The following ZFPM2 variants were observed in gnomAD, a reference collection of about 807,000 sequenced individuals.
The protein encoded by ZFPM2 is zinc finger protein, FOG family member 2.
In ZFPM2, 20 loss-of-function variants were observed where a neutral mutation model predicts 98.6. The observed-to-expected ratio is 0.20, with a 90% CI of 0.14 to 0.29. The LOEUF (loss-of-function observed/expected upper bound fraction) is 0.29. Among genes scored for constraint, ZFPM2 ranks in the 10% least tolerant of loss-of-function variants. ZFPM2 has a pLI of 1.00. For synonymous variants in ZFPM2, 518 were observed against 502.7 expected, an observed-to-expected ratio of 1.03 and a Z score of -0.41; for missense variants, 1,310 against 1,388.6, an observed-to-expected ratio of 0.94 and a Z score of 0.90.
intron 3 of ZFPM2, among the ~76,000 whole-genome samples, chr8:105,558,118 T>C (rs908640306): frequency 3.3e-5 from 5 of 152,138 alleles, no homozygotes; most frequent in South Asian, 2.1e-4. Context: ...ATAACACCTA[T>C]TAATTTTTGG....
chr8:105,626,927 T>C (rs1466473015), intron 4 of ZFPM2, among the ~76,000 whole-genome samples: 1 of 145,240 alleles, frequency 6.9e-6, no homozygotes, highest in African/African-American at 2.5e-5. Context: ...TTTAATCAAA[T>C]AACACTTCTG....
chr8:105,329,779 T>A, intron 1 of ZFPM2, among the ~76,000 whole-genome samples: 1 of 151,794 alleles, frequency 6.6e-6, no homozygotes, highest in East Asian at 1.9e-4. Context: ...GAAACCTTGG[T>A]TGGCACAATG....
chr8:105,401,013 A>G (rs1329520259), intron 1 of ZFPM2, among the ~76,000 whole-genome samples: 2 of 151,770 alleles, frequency 1.3e-5, no homozygotes, highest in Admixed American at 6.6e-5. Context: ...GAAGACCATG[A>G]TATATTTACT....
chr8:105,611,204 A>C (rs1400205224), intron 4 of ZFPM2, among the ~76,000 whole-genome samples: 1 of 152,194 alleles, frequency 6.6e-6, no homozygotes, highest in Non-Finnish European at 1.5e-5. Context: ...TAGCCAAGAG[A>C]GCCACTGGAG....
chr8:105,773,544 A>G (rs1210808852), intron 5 of ZFPM2, among the ~76,000 whole-genome samples: 2 of 151,996 alleles, frequency 1.3e-5, no homozygotes, highest in South Asian at 2.1e-4. Context: ...ATGAATTTTC[A>G]TATTTTAGAA....
At chr8:105,744,858 G>A (rs936019558) in intron 5 of ZFPM2, among the ~76,000 whole-genome samples, 4 of 152,094 alleles carry the variant, frequency 2.6e-5, no homozygotes, top group African/African-American at 4.8e-5. Context: ...GAGCTGTGTC[G>A]CTATACATAC....
At chr8:105,608,187 G>A (rs1479227231) in intron 4 of ZFPM2, among the ~76,000 whole-genome samples, 1 of 152,032 alleles carries the variant, frequency 6.6e-6, no homozygotes. Flanking sequence ...GAGTTTGGAG[G>A]GTGGAAGGAG....
chr8:105,791,213 T>C (rs1813599130), intron 6 of ZFPM2, among the ~76,000 whole-genome samples: 1 of 151,848 alleles, frequency 6.6e-6, no homozygotes, highest in African/African-American at 2.4e-5. Flanking sequence ...TTCAGTATGA[T>C]ATTGGCTGTG....
chr8:105,715,244 T>C (rs2130985309), intron 5 of ZFPM2, among the ~76,000 whole-genome samples: 1 of 151,380 alleles, frequency 6.6e-6, no homozygotes, highest in African/African-American at 2.4e-5. Flanking sequence ...ACAAAAAAAA[T>C]AGAAAATTAG....
rs764892518 is a variant in ZFPM2, at chr8:105,802,809, C to T, written c.2727C>T (p.Tyr909=). Residue 909 remains tyrosine (Y), a synonymous_variant, in exon 8 of 8, where the codon TAC becomes TAT. Transcript: ENST00000407775. ...AACGAAACAGCCCTGATGTCAGCTACGAAAGAAGCATAATAAAATGTGAGA... is the reference window on the plus strand; with the variant it reads ...AACGAAACAGCCCTGATGTCAGCTATGAAAGAAGCATAATAAAATGTGAGA... ...ESERNSPDVS[Y]ERSIIKCEKN... is the part of the protein sequence containing the mutation. 3.9e-5 allele frequency: 63 copies of T among 1,613,526 alleles called. No individual in the cohort carries two copies. Among genetic ancestry groups the T allele is most frequent in the Non-Finnish European group, 4.8e-5 (57 of 1,179,802 alleles).
chr8:105,637,983 A>G (rs2130846056), intron 5 of ZFPM2, among the ~76,000 whole-genome samples: 1 of 151,976 alleles, frequency 6.6e-6, no homozygotes, highest in Non-Finnish European at 1.5e-5. Context: ...TTTGGGGTAG[A>G]TGGGTTCATC....
At chr8:105,446,958 A>G (rs899082332) in intron 3 of ZFPM2, among the ~76,000 whole-genome samples, 1 of 152,182 alleles carries the variant, frequency 6.6e-6, no homozygotes, top group African/African-American at 2.4e-5. Context: ...TCGCTATTGC[A>G]TAAACAGCAA....
chr8:105,392,336 T>C (rs1402566847), intron 1 of ZFPM2, among the ~76,000 whole-genome samples: 1 of 152,252 alleles, frequency 6.6e-6, no homozygotes, highest in Non-Finnish European at 1.5e-5. Flanking sequence ...AAACTTGTTC[T>C]TTAATTATGA....
At position 105,801,886 on chromosome 8, in the gene ZFPM2, ACCT is replaced by A; in HGVS notation, c.1807_1809del (p.Ser603del). On this transcript the variant is annotated inframe_deletion, in exon 8 of 8. Coordinates refer to ENST00000407775, the MANE Select transcript of ZFPM2 (RefSeq NM_012082.4). ...AGCTTTGAGTCCCAACACTGGCCAA[ACCT>A]CCATAAACCTTCTCAACCCAGCTGC... is the stretch of plus-strand genomic sequence containing the variant. 6.2e-7 allele frequency: 1 copy of A among 1,613,842 alleles called. No homozygotes were observed. The highest frequency in any genetic ancestry group is 1.6e-4 in the Middle Eastern group (1 of 6,062).
At chr8:105,322,052 T>C (rs988320776) in intron 1 of ZFPM2, among the ~76,000 whole-genome samples, 1 of 152,130 alleles carries the variant, frequency 6.6e-6, no homozygotes, top group Non-Finnish European at 1.5e-5. Flanking sequence ...CTCAGAAGCT[T>C]TCTCTCATAA....
At chr8:105,734,987 T>C (rs1174773244) in intron 5 of ZFPM2, among the ~76,000 whole-genome samples, 1 of 150,478 alleles carries the variant, frequency 6.6e-6, no homozygotes, top group African/African-American at 2.4e-5. Flanking sequence ...TACAAATTTA[T>C]ATATACTTCA....
chr8:105,699,447 G>T (rs1811093034), intron 5 of ZFPM2, among the ~76,000 whole-genome samples: 1 of 152,044 alleles, frequency 6.6e-6, no homozygotes, highest in South Asian at 2.1e-4. Context: ...AAACTTAAAG[G>T]TATAAGATGA....
chr8:105,318,508 G>T lies in ZFPM2; in HGVS notation c.-434G>T, dbSNP rs1811950004. 6.7e-6 allele frequency among the ~76,000 whole-genome samples: 1 copy of T among 148,752 alleles called. No individual in the cohort carries two copies. On this transcript the variant is annotated 5_prime_UTR_variant, in exon 1 of 8. Coordinates refer to ENST00000407775, the MANE Select transcript of ZFPM2 (RefSeq NM_012082.4). ...TATCCGTCCCGCACGCCGGGGCGAG[G>T]GGCGAGCGAGCGCGCTCCTCCTCCC... is the stretch of plus-strand genomic sequence containing the variant.
intron 5 of ZFPM2, among the ~76,000 whole-genome samples, chr8:105,666,958 T>C (rs1817500964): frequency 6.6e-6 from 1 of 152,346 alleles, no homozygotes; most frequent in African/African-American, 2.4e-5. Context: ...TTTTGTTTCA[T>C]ATTAAAGCAC....
Sources: gnomAD v4.1 joint callset for allele counts (sites outside exome capture counted in the v4.1 genomes callset) on GRCh38, gnomAD v4.1.1 for gene constraint, MANE v1.5 for transcripts, NCBI Gene and HGNC (gene_info 2026-07-23, HGNC 2026-07-21) for gene names.